Variants in BCL7C observed in about 807,000 individuals in gnomAD.
The protein encoded by BCL7C is BAF chromatin remodeling complex subunit BCL7C.
A neutral mutation model predicts 26.2 loss-of-function variants in BCL7C; 8 were observed. That is an observed-to-expected ratio of 0.30 (90% CI 0.18 to 0.55). The LOEUF is 0.55. Ranked by LOEUF, BCL7C falls within the 20% of genes least tolerant of loss-of-function variation. The pLI is 0.93. For missense variants in BCL7C, 262 were observed against 298.5 expected, an observed-to-expected ratio of 0.88 and a Z score of 0.90; for synonymous variants, 90 against 116.5, an observed-to-expected ratio of 0.77 and a Z score of 1.47.
At chr16:30,853,317 C>T (rs1249599406) in intron 5 of BCL7C, among the ~76,000 whole-genome samples, 1 of 152,124 alleles carries the variant, frequency 6.6e-6, no homozygotes, top group Non-Finnish European at 1.5e-5. Context: ...TACACACACA[C>T]ACACCAGCCT....
chr16:30,881,534 G>A (rs866359387), intron 5 of BCL7C, among the ~76,000 whole-genome samples: 1 of 152,180 alleles, frequency 6.6e-6, no homozygotes, highest in Non-Finnish European at 1.5e-5. Flanking sequence ...TGAGCAGGGC[G>A]ACCATAAGTT....
Position 30,891,096 on chromosome 16 carries a change from G to A in BCL7C, c.442+1490C>T, listed in dbSNP as rs529816220. 2.0e-5 allele frequency among the ~76,000 whole-genome samples: 3 copies of A among 151,660 alleles called. No individual in the cohort carries two copies. The East Asian group carries it at 5.8e-4, about 29-fold the overall frequency. ...AGGCAGAAGAATCGCTTGAACCTGGGAGGCAGAGTTTGCAGTGAGCCAAGA... is the reference window on the plus strand; with the variant it reads ...AGGCAGAAGAATCGCTTGAACCTGGAAGGCAGAGTTTGCAGTGAGCCAAGA... On this transcript the variant is annotated intron_variant, in intron 4 of 5. Coordinates refer to ENST00000215115, the MANE Select transcript of BCL7C (RefSeq NM_004765.4).
At position 30,888,782 on chromosome 16, in the gene BCL7C, G is replaced by A. The variant is rs995021242; in HGVS notation, c.528+78C>T. 3.5e-5 allele frequency: 49 copies of A among 1,386,736 alleles called. 1 individual carries two copies. Among genetic ancestry groups the A allele is most frequent in the Admixed American group, 7.2e-5 (4 of 55,692 alleles). 85.9% of individuals were successfully genotyped at this position (1,386,736 alleles called of 1,614,324 possible). ...TGCCTCTCCTCCAGGCCCTCAGGAC[G>A]CAGGCTCCAAGCCTTCGACTGCCCA... On this transcript the variant is annotated intron_variant, in intron 5 of 5. Coordinates refer to ENST00000215115, the MANE Select transcript of BCL7C (RefSeq NM_004765.4).
At chr16:30,886,610 C>G (rs2055135939), downstream of BCL7C, among the ~76,000 whole-genome samples, 2 of 152,150 alleles carry the variant, frequency 1.3e-5, no homozygotes, top group South Asian at 4.1e-4. Context: ...GACAGACACA[C>G]AAACCACGGA....
chr16:30,865,771 G>A (rs2054820628), intron 5 of BCL7C, among the ~76,000 whole-genome samples: 1 of 146,292 alleles, frequency 6.8e-6, no homozygotes, highest in Admixed American at 6.9e-5. Context: ...CTGTCACCCA[G>A]GCTGGAGTGC....
At chr16:30,886,358 A>G (rs2055133096), downstream of BCL7C, among the ~76,000 whole-genome samples, 1 of 152,152 alleles carries the variant, frequency 6.6e-6, no homozygotes, top group Non-Finnish European at 1.5e-5. Flanking sequence ...GAGAGTAGAA[A>G]CAGCCTGCCT....
chr16:30,862,080 G>A (rs757657991), intron 5 of BCL7C, among the ~76,000 whole-genome samples: 2 of 151,792 alleles, frequency 1.3e-5, no homozygotes, highest in East Asian at 1.9e-4. Context: ...CTCGTGATCC[G>A]CTGCCTCGGC....
chr16:30,850,223 A>G lies in BCL7C; in HGVS notation c.529-15075T>C, dbSNP rs545847818. Among the ~76,000 whole-genome samples, 132 of 151,704 alleles carry G rather than the reference A, an allele frequency of 8.7e-4. 1 individual carries two copies. Among genetic ancestry groups the G allele is most frequent in the African/African-American group, 2.9e-3 (122 of 41,396 alleles). ...AGACTCCATCTCAAAAAAAAAAAAA[A>G]AAAAGAAAAGAAAAGAAAAAAAGAA... On this transcript the variant is annotated intron_variant, in intron 5 of 5. Transcript: ENST00000380317.
chr16:30,842,650 C>A (rs1202499577), intron 5 of BCL7C, among the ~76,000 whole-genome samples: 1 of 152,152 alleles, frequency 6.6e-6, no homozygotes, highest in Non-Finnish European at 1.5e-5. Flanking sequence ...CTCACTGCAA[C>A]CTCCACTTCC....
At chr16:30,855,431 T>A (rs1164556796) in intron 5 of BCL7C, among the ~76,000 whole-genome samples, 1 of 151,822 alleles carries the variant, frequency 6.6e-6, no homozygotes, top group Non-Finnish European at 1.5e-5. Flanking sequence ...TTCATAGAGA[T>A]GGGGTTTCAC....
At chr16:30,877,992 T>G (rs955565991) in intron 5 of BCL7C, among the ~76,000 whole-genome samples, 1 of 149,084 alleles carries the variant, frequency 6.7e-6, no homozygotes, top group Non-Finnish European at 1.5e-5. Flanking sequence ...CTGGACAACA[T>G]GGTGAAACCC....
downstream of BCL7C, among the ~76,000 whole-genome samples, chr16:30,886,359 C>G (rs2143130843): frequency 6.6e-6 from 1 of 152,240 alleles, no homozygotes; most frequent in South Asian, 2.1e-4. Context: ...AGAGTAGAAA[C>G]AGCCTGCCTA....
intron 5 of BCL7C, among the ~76,000 whole-genome samples, chr16:30,867,856 T>C (rs2054842915): frequency 1.3e-5 from 2 of 151,764 alleles, no homozygotes; most frequent in African/African-American, 4.8e-5. Context: ...GGAGATGTGA[T>C]TGTGGAAGAA....
In BCL7C at chr16:30,892,546, G is replaced by C. The variant is rs750532846; in HGVS notation, c.442+40C>G. On this transcript the variant is annotated intron_variant, in intron 4 of 5. Coordinates refer to ENST00000215115, the MANE Select transcript of BCL7C (RefSeq NM_004765.4). ...GTAGGTTAGACTCTGGAGAAGACAG[G>C]ACTTAGAGGAGAGAGCTCCTGGGAG... 6.1e-5 allele frequency: 93 copies of C among 1,522,932 alleles called. No homozygotes were observed. In the East Asian group the frequency reaches 2.1e-3, roughly 34 times the overall value. 94.3% of individuals were successfully genotyped at this position (1,522,932 alleles called of 1,614,324 possible). A position where few individuals can be genotyped will look rare whatever the true frequency, so the allele number is the denominator to read the frequency against.
chr16:30,874,981 G>A (rs1398357275), intron 5 of BCL7C, among the ~76,000 whole-genome samples: 1 of 152,240 alleles, frequency 6.6e-6, no homozygotes, highest in Non-Finnish European at 1.5e-5. Context: ...TCTGCCGACT[G>A]CGGCAACGCG....
At chr16:30,857,183 G>A (rs2151369019) in intron 5 of BCL7C, among the ~76,000 whole-genome samples, 1 of 152,088 alleles carries the variant, frequency 6.6e-6, no homozygotes, top group East Asian at 1.9e-4. Flanking sequence ...GAGGTCAGGA[G>A]TTCAAGACCA....
At chr16:30,856,590 C>T (rs2054724423) in intron 5 of BCL7C, among the ~76,000 whole-genome samples, 1 of 152,202 alleles carries the variant, frequency 6.6e-6, no homozygotes, top group Non-Finnish European at 1.5e-5. Context: ...CGTTGTGCAG[C>T]CACTGAAGTC....
At chr16:30,888,797 T>C in intron 5 of BCL7C, 63 bp downstream of exon 5, 2 of 1,512,300 alleles carry the variant, frequency 1.3e-6, no homozygotes, top group Non-Finnish European at 1.8e-6. Context: ...CTCCAAGCCT[T>C]CGACTGCCCA....
At position 30,874,583 on chromosome 16, in the gene BCL7C, C is replaced by T. The variant is rs572319533; in HGVS notation, c.528+14277G>A. Among the ~76,000 whole-genome samples, 128 of 152,212 alleles carry T rather than the reference C, an allele frequency of 8.4e-4. 1 individual carries two copies. The highest frequency in any genetic ancestry group is 3.0e-3 in the African/African-American group (126 of 41,558). On this transcript the variant is annotated intron_variant, in intron 5 of 5. Transcript: ENST00000380317. The stretch of plus-strand genomic sequence containing the variant: ...GCAGTGAGCGGAGATCGCACCGCTG[C>T]ACTCCAGCCTGGGGGACAGTGAGGC...
Sources: allele counts gnomAD v4.1 joint callset (sites outside exome capture counted in the v4.1 genomes callset), GRCh38; gene constraint gnomAD v4.1.1; transcripts MANE v1.5; gene names NCBI Gene and HGNC (gene_info 2026-07-23, HGNC 2026-07-21).